The following LRRC57 variants were observed in gnomAD, a reference collection of about 807,000 sequenced individuals.
LRRC57 encodes leucine rich repeat containing 57.
Under a neutral mutation model 23.1 loss-of-function variants are expected in LRRC57, and 14 were observed. The observed-to-expected ratio is 0.61, with a 90% confidence interval of 0.40 to 0.95. The LOEUF (loss-of-function observed/expected upper bound fraction) is 0.95. LRRC57 is among the 40% of genes least tolerant of loss of function. LRRC57 has a pLI of 0.00. For missense variants in LRRC57, 236 were observed against 284.4 expected (o/e 0.83, Z 1.22); for synonymous variants, 106 against 115.2 (o/e 0.92, Z 0.51).
chr15:42,547,438 C>T lies in LRRC57; in HGVS notation c.315G>A (p.Gly105=), dbSNP rs770877817. ...NHLRELPSTF[G]QLSALKTLSL... ...TCAGGGTCTTGAGGGCAGAGAGTTG[C>T]CCAAAGGTAGACGGCAGCTCTCTAA... Residue 105 remains glycine (G), a synonymous_variant, in exon 4 of 6, where the codon GGG becomes GGA. Coordinates refer to ENST00000397130, the MANE Select transcript of LRRC57 (RefSeq NM_153260.3). The T allele has an allele frequency of 6.2e-6, 10 of 1,614,026 alleles. No individual in the cohort carries two copies. The highest frequency in any genetic ancestry group is 8.5e-6 in the Non-Finnish European group (10 of 1,180,036).
At chr15:42,535,485 G>A (rs902636611), downstream of LRRC57, among the ~76,000 whole-genome samples, 3 of 147,424 alleles carry the variant, frequency 2.0e-5, no homozygotes, top group East Asian at 2.0e-4. Flanking sequence ...TTGCTCTGTC[G>A]TCCAGGCTGG....
chr15:42,535,447 A>ATT (rs1163369824), downstream of LRRC57, among the ~76,000 whole-genome samples: 5,901 of 140,770 alleles, frequency 0.042, 402 homozygotes, highest in African/African-American at 0.14. Context: ...CTGTCTTGGC[A>ATT]TTTTTTTTTT....
Position 42,540,274 on chromosome 15 carries a change from G to C in LRRC57, c.*3809C>G, listed in dbSNP as rs988091844. On this transcript the variant is annotated 3_prime_UTR_variant, in exon 6 of 6. Coordinates refer to ENST00000397130, the MANE Select transcript of LRRC57 (RefSeq NM_153260.3). ...AGTATCCATGGGTTCCACATCTGTG[G>C]ATTCAACTGCAGGTCAGAAATATTT... The C allele has an allele frequency of 6.6e-6, 1 of 151,764 alleles. No homozygotes were observed. Among genetic ancestry groups the C allele is most frequent in the Non-Finnish European group, 1.5e-5 (1 of 68,004 alleles). 9.4% of individuals were successfully genotyped at this position (151,764 alleles called of 1,614,324 possible).
intron 5 of LRRC57, 26 bp downstream of exon 5, chr15:42,545,051 A>AT (rs796898892): frequency 1.3e-6 from 2 of 1,516,752 alleles, no homozygotes; most frequent in African/African-American, 2.8e-5. Flanking sequence ...TAGTGACTAG[A>AT]AATGCAGAAG....
chr15:42,547,233 T>C (rs764537140), intron 4 of LRRC57, 28 bp downstream of exon 4: 42 of 1,604,394 alleles, frequency 2.6e-5, no homozygotes, highest in Non-Finnish European at 3.6e-5. Flanking sequence ...ACATATGCTG[T>C]AGGAAAAAAA....
chr15:42,545,414 T>G (rs547273025), intron 4 of LRRC57, 152 bp from the exon 5 acceptor site: 1 of 433,520 alleles, frequency 2.3e-6, no homozygotes, highest in African/African-American at 2.0e-5. Flanking sequence ...GCCTACTCAC[T>G]CCAGAAGCCT....
At chr15:42,536,054 G>A (rs942788975), downstream of LRRC57, among the ~76,000 whole-genome samples, 2 of 152,096 alleles carry the variant, frequency 1.3e-5, no homozygotes, top group Non-Finnish European at 2.9e-5. Context: ...CTCCAGCATG[G>A]GTGACAGAGC....
intron 5 of LRRC57, among the ~76,000 whole-genome samples, chr15:42,544,842 C>CAATATATATA: frequency 3.8e-4 from 37 of 97,950 alleles, no homozygotes; most frequent in Non-Finnish European, 5.6e-4. Flanking sequence ...CACACACACA[C>CAATATATATA]TATATATATA....
rs545154590 is a variant in LRRC57, at chr15:42,543,350, C to G, written c.*733G>C. On this transcript the variant is annotated 3_prime_UTR_variant, in exon 6 of 6. Coordinates refer to ENST00000397130, the MANE Select transcript of LRRC57 (RefSeq NM_153260.3). The stretch of plus-strand genomic sequence containing the variant: ...AAGTAGCTGGGATTATAAGCATGCA[C>G]CAACACACCCAGCTAATTTTTGTAT... 1.3e-5 allele frequency: 2 copies of G among 152,274 alleles called. No homozygotes were observed. Among genetic ancestry groups the G allele is most frequent in the African/African-American group, 4.8e-5 (2 of 41,532 alleles). 9.4% of individuals were successfully genotyped at this position (152,274 alleles called of 1,614,324 possible). A position where few individuals can be genotyped will look rare whatever the true frequency, so the allele number is the denominator to read the frequency against.
the LRRC57 span, among the ~76,000 whole-genome samples, chr15:42,531,207 T>A: frequency 6.6e-6 from 1 of 152,230 alleles, no homozygotes; most frequent in Non-Finnish European, 1.5e-5. Context: ...CAAGGTCTTA[T>A]ATGTTACACC....
rs1200664747 is a variant in LRRC57, at chr15:42,548,092, G to A, written c.223+14C>T. 4 of 1,613,946 alleles carry A rather than the reference G, an allele frequency of 2.5e-6. No individual in the cohort carries two copies. The highest frequency in any genetic ancestry group is 2.2e-5 in the East Asian group (1 of 44,884). On this transcript the variant is annotated intron_variant, in intron 3 of 5. Coordinates refer to ENST00000397130, the MANE Select transcript of LRRC57 (RefSeq NM_153260.3). ...GCTGATCACTAGCAAAAGCCTCCCT[G>A]GCGAGAGCCATACTCAGTTTGTTGT...
chr15:42,529,407 C>CAGCT, the LRRC57 span, among the ~76,000 whole-genome samples: 3 of 152,216 alleles, frequency 2.0e-5, no homozygotes, highest in African/African-American at 4.8e-5. Context: ...TCATGTCTAA[C>CAGCT]AGCTTCCCAG....
At chr15:42,533,734 G>A (rs187538208), downstream of LRRC57, among the ~76,000 whole-genome samples, 4 of 152,296 alleles carry the variant, frequency 2.6e-5, no homozygotes, top group Non-Finnish European at 5.9e-5. Flanking sequence ...TGTAAATGCA[G>A]ATTAATACAA....
chr15:42,536,286 GTC>G (rs2057600350), downstream of LRRC57, among the ~76,000 whole-genome samples: 1 of 152,228 alleles, frequency 6.6e-6, no homozygotes, highest in Non-Finnish European at 1.5e-5. Flanking sequence ...GCTACAAACT[GTC>G]TATTTGTGAA....
At chr15:42,534,224 G>A (rs1336129213), downstream of LRRC57, among the ~76,000 whole-genome samples, 4 of 152,146 alleles carry the variant, frequency 2.6e-5, no homozygotes, top group Non-Finnish European at 5.9e-5. Context: ...TCCACCTCTC[G>A]GGTTCAAGCG....
At chr15:42,548,293 G>T in intron 2 of LRRC57, 49 bp from the exon 3 acceptor site, 3 of 1,613,696 alleles carry the variant, frequency 1.9e-6, no homozygotes, top group Non-Finnish European at 2.5e-6. Context: ...GACTAAGTTC[G>T]CCGCCCCCGC....
chr15:42,547,568 G>C (rs375837708), intron 3 of LRRC57, 39 bp from the exon 4 acceptor site: 1 of 1,566,226 alleles, frequency 6.4e-7, no homozygotes, highest in South Asian at 1.2e-5. Context: ...GAATGTGATA[G>C]AGCTGAAAAC....
rs1268296119 is a variant in LRRC57 at position 42,539,416 on chromosome 15, T to C, written c.*4667A>G. The C allele has an allele frequency of 7.5e-6, 1 of 134,196 alleles. No individual in the cohort carries two copies. The allele number at this position is 134,196 out of a possible 1,614,324, so 8.3% of individuals were successfully genotyped here. A position where few individuals can be genotyped will look rare whatever the true frequency, so the allele number is the denominator to read the frequency against. On this transcript the variant is annotated 3_prime_UTR_variant, in exon 6 of 6. Coordinates refer to ENST00000397130, the MANE Select transcript of LRRC57 (RefSeq NM_153260.3). The stretch of plus-strand genomic sequence containing the variant: ...TTGCTAGAACTCAGGAAGTGGAGGT[T>C]GCAGTGACCCGAGATTGTGCCACTG...
rs2057609153 is a variant in LRRC57, at chr15:42,537,968, G to A, written c.*6115C>T. 6.6e-6 allele frequency: 1 copy of A among 152,188 alleles called. No individual in the cohort carries two copies. Among genetic ancestry groups the A allele is most frequent in the Non-Finnish European group, 1.5e-5 (1 of 68,040 alleles). The allele number at this position is 152,188 out of a possible 1,614,324, so 9.4% of individuals were successfully genotyped here. ...GTAGATACAAACATACAGTTAGATAGAAGGAATAAGTTTTAATGCTTGATA... is the reference window on the plus strand; with the variant it reads ...GTAGATACAAACATACAGTTAGATAAAAGGAATAAGTTTTAATGCTTGATA... On this transcript the variant is annotated 3_prime_UTR_variant, in exon 6 of 6. Coordinates refer to ENST00000397130, the MANE Select transcript of LRRC57 (RefSeq NM_153260.3).
Sources: allele counts gnomAD v4.1 joint callset (sites outside exome capture counted in the v4.1 genomes callset), GRCh38; gene constraint gnomAD v4.1.1; transcripts MANE v1.5; gene names NCBI Gene and HGNC (gene_info 2026-07-23, HGNC 2026-07-21).